The following OPCML variants were observed in gnomAD, a reference collection of about 807,000 sequenced individuals.
OPCML encodes opioid-binding protein/cell adhesion molecule.
In OPCML, 13 loss-of-function variants were observed where a neutral mutation model predicts 37.8. The observed-to-expected ratio is 0.34, with a 90% CI of 0.22 to 0.55. The LOEUF is 0.55. Among genes scored for constraint, OPCML ranks in the 20% least tolerant of loss-of-function variants. OPCML has a pLI of 0.91. For missense variants in OPCML, 341 were observed against 435.6 expected, an observed-to-expected ratio of 0.78 and a Z score of 1.93; for synonymous variants, 176 against 168.8, an observed-to-expected ratio of 1.04 and a Z score of -0.33.
At chr11:133,058,689 G>A (rs61910334) in intron 1 of OPCML, among the ~76,000 whole-genome samples, 15,856 of 152,228 alleles carry the variant, frequency 0.1, 1,140 homozygotes, top group Non-Finnish European at 0.16. Flanking sequence ...CTGGGTTTTC[G>A]CTTCTCCTCT....
At chr11:132,552,068 G>A (rs2096382971) in intron 3 of OPCML, among the ~76,000 whole-genome samples, 1 of 152,168 alleles carries the variant, frequency 6.6e-6, no homozygotes, top group Non-Finnish European at 1.5e-5. Context: ...ATGTGAGTGA[G>A]CTTCTCAGTC....
chr11:132,440,218 G>A (rs1345111619), intron 4 of OPCML, among the ~76,000 whole-genome samples: 2 of 152,158 alleles, frequency 1.3e-5, no homozygotes, highest in Admixed American at 6.5e-5. Context: ...AAGAAAAAGT[G>A]CATTTCATGT....
At chr11:132,629,752 C>A (rs1939978842) in intron 3 of OPCML, among the ~76,000 whole-genome samples, 1 of 151,790 alleles carries the variant, frequency 6.6e-6, no homozygotes, top group Admixed American at 6.6e-5. Flanking sequence ...CTACTTAAAA[C>A]CAAGCAGATA....
chr11:132,683,297 G>A (rs1263475451), intron 2 of OPCML, among the ~76,000 whole-genome samples: 1 of 152,070 alleles, frequency 6.6e-6, no homozygotes, highest in Non-Finnish European at 1.5e-5. Context: ...TTACTTACGA[G>A]GCTGAGGTAG....
chr11:133,243,980 G>A (rs1313207588), intron 1 of OPCML, among the ~76,000 whole-genome samples: 1 of 152,176 alleles, frequency 6.6e-6, no homozygotes, highest in Non-Finnish European at 1.5e-5. Flanking sequence ...TGGGAGAGGG[G>A]TGGACATGCA....
intron 1 of OPCML, among the ~76,000 whole-genome samples, chr11:133,369,105 G>GA (rs1944617208): frequency 6.6e-6 from 1 of 152,212 alleles, no homozygotes; most frequent in African/African-American, 2.4e-5. Context: ...CGAGTAATTG[G>GA]AAAAGCTAAG....
Position 133,177,953 on chromosome 11 carries a change from G to T in OPCML, c.62-234943C>A, listed in dbSNP as rs372551240. Among the ~76,000 whole-genome samples, 1 of 152,188 alleles carries T rather than the reference G, an allele frequency of 6.6e-6. No individual in the cohort carries two copies. Among genetic ancestry groups the T allele is most frequent in the East Asian group, 1.9e-4 (1 of 5,194 alleles). On this transcript the variant is annotated intron_variant, in intron 1 of 7. Transcript: ENST00000524381. This position sits in a 1 kb window ranked among gnomAD's most constrained non-coding sequence, Gnocchi z 5.0. Reference sequence around the variant, plus strand: ...CTTTTGAACCACACTGAATAAATGAGAGCTGGCAGGAGGCAATCCCAAGGT... The same window carrying T: ...CTTTTGAACCACACTGAATAAATGATAGCTGGCAGGAGGCAATCCCAAGGT...
chr11:132,997,262 AC>A (rs1946905471), intron 1 of OPCML, among the ~76,000 whole-genome samples: 1 of 152,222 alleles, frequency 6.6e-6, no homozygotes, highest in South Asian at 2.1e-4. Context: ...GAATGGAAGC[AC>A]AGGATTAGAT....
rs563084315 is a variant in OPCML, at chr11:132,793,963, T to TA, written c.147-136645dup. ...TGCCGTGACCCCCATGCCCGTGGGG[T>TA]AAAGACGGCTACTGCCCAAGCCACC... is the stretch of plus-strand genomic sequence containing the variant. On this transcript the variant is annotated intron_variant, in intron 2 of 7. Transcript: ENST00000524381. Among the ~76,000 whole-genome samples the TA allele has an allele frequency of 9.8e-4, 150 of 152,314 alleles. 1 individual carries two copies. The highest frequency in any genetic ancestry group is 3.3e-3 in the African/African-American group (136 of 41,578).
At chr11:133,074,620 C>T (rs1009586240) in intron 1 of OPCML, among the ~76,000 whole-genome samples, 12 of 152,166 alleles carry the variant, frequency 7.9e-5, no homozygotes, top group African/African-American at 2.9e-4. Context: ...AGGATGCCCA[C>T]CAGCTAGTCG....
chr11:133,069,544 T>C (rs1326552721), intron 1 of OPCML, among the ~76,000 whole-genome samples: 2 of 152,194 alleles, frequency 1.3e-5, no homozygotes, highest in Non-Finnish European at 2.9e-5. Flanking sequence ...GAATGATGTG[T>C]AAGACACTAT....
chr11:133,081,964 G>A (rs1326367814), intron 1 of OPCML, among the ~76,000 whole-genome samples: 1 of 152,144 alleles, frequency 6.6e-6, no homozygotes, highest in Non-Finnish European at 1.5e-5. Flanking sequence ...TCCCCTGGGA[G>A]GCGTCCCTCA....
At chr11:132,563,857 C>CT (rs564730071) in intron 3 of OPCML, among the ~76,000 whole-genome samples, 3 of 151,942 alleles carry the variant, frequency 2.0e-5, no homozygotes, top group African/African-American at 4.8e-5. Context: ...ATCAGTGAGA[C>CT]TTTTTTTGGT....
At chr11:133,140,733 C>A (rs541879483) in intron 1 of OPCML, among the ~76,000 whole-genome samples, 42 of 45,790 alleles carry the variant, frequency 9.2e-4, no homozygotes, top group East Asian at 4.0e-3. Flanking sequence ...AAGACGACGA[C>A]GACGACGACG....
chr11:132,591,289 A>C (rs1216434354), intron 3 of OPCML, among the ~76,000 whole-genome samples: 1 of 152,200 alleles, frequency 6.6e-6, no homozygotes, highest in African/African-American at 2.4e-5. Context: ...GGTGGCTCTT[A>C]ATCCCAAAGA....
chr11:133,215,723 C>A (rs534856326), intron 1 of OPCML, among the ~76,000 whole-genome samples: 39 of 152,090 alleles, frequency 2.6e-4, no homozygotes, highest in Non-Finnish European at 2.8e-4. Context: ...TCACACTGAC[C>A]TGGCAGGAGG....
Position 133,231,783 on chromosome 11 carries a change from C to T in OPCML, c.62-288773G>A, listed in dbSNP as rs1003171684. Among the ~76,000 whole-genome samples the T allele has an allele frequency of 7.9e-5, 12 of 152,118 alleles. No individual in the cohort carries two copies. In the East Asian group the frequency reaches 2.3e-3, roughly 29 times the overall value. The stretch of plus-strand genomic sequence containing the variant: ...TACACATGGATTAAATGAGACCACA[C>T]ATGTAAAGAACATGCAACCAGTAAG... On this transcript the variant is annotated intron_variant, in intron 1 of 7. Transcript: ENST00000524381.
intron 1 of OPCML, among the ~76,000 whole-genome samples, chr11:133,105,448 C>A (rs1453098728): frequency 6.6e-6 from 1 of 152,056 alleles, no homozygotes; most frequent in African/African-American, 2.4e-5. Context: ...ATGTGAGAAC[C>A]ATTGTTTAGT....
At chr11:133,110,684 T>C (rs1949236664) in intron 1 of OPCML, among the ~76,000 whole-genome samples, 1 of 152,182 alleles carries the variant, frequency 6.6e-6, no homozygotes, top group South Asian at 2.1e-4. Flanking sequence ...GCAGGGGCCC[T>C]AGCCTCAAAC....
Sources: allele counts gnomAD v4.1 joint callset (sites outside exome capture counted in the v4.1 genomes callset), GRCh38; gene constraint gnomAD v4.1.1; non-coding constraint Gnocchi (gnomAD v3.1); transcripts MANE v1.5; gene names NCBI Gene and HGNC (gene_info 2026-07-23, HGNC 2026-07-21).